MFSD11: variants seen among roughly 807,000 people sequenced by gnomAD.
The protein encoded by MFSD11 is major facilitator superfamily domain containing 11.
A neutral mutation model predicts 53.5 loss-of-function variants in MFSD11; 36 were observed. The observed-to-expected ratio is 0.67, with a 90% confidence interval of 0.52 to 0.89. The LOEUF is 0.89. Ranked by LOEUF, MFSD11 falls within the 40% of genes least tolerant of loss-of-function variation. The probability of loss-of-function intolerance (pLI) is 0.00; values close to 1 mark genes in which losing one functional copy is unlikely to be tolerated. For missense variants in MFSD11, 530 were observed against 543.9 expected (o/e 0.97, Z 0.25); for synonymous variants, 186 against 184.9 (o/e 1.01, Z -0.05).
rs1276071458 is a variant in MFSD11, at chr17:76,775,161, A to C, written c.1039A>C (p.Ile347Leu). ...PVKGTDSSAY[I>L]KSSKEVAILC... Reference sequence around the variant, plus strand: ...TAAAGGAACTGACAGCAGTGCTTACATCAAATCCAGGTATAGTGGCTGTCA... The same window carrying C: ...TAAAGGAACTGACAGCAGTGCTTACCTCAAATCCAGGTATAGTGGCTGTCA... Residue 347 changes from isoleucine (I) to leucine (L), a missense_variant, in exon 11 of 13, where the codon ATC becomes CTC. Coordinates refer to ENST00000685175, the MANE Select transcript of MFSD11 (RefSeq NM_001242532.5). The C allele has an allele frequency of 1.2e-6, 2 of 1,613,766 alleles. No homozygotes were observed. Among genetic ancestry groups the C allele is most frequent in the Non-Finnish European group, 1.7e-6 (2 of 1,179,830 alleles).
In MFSD11 at chr17:76,776,372, T is replaced by C. The variant is rs370874136; in HGVS notation, c.1050-34T>C. The C allele has an allele frequency of 1.3e-4, 205 of 1,608,444 alleles. No homozygotes were observed. Among genetic ancestry groups the C allele is most frequent in the Middle Eastern group, 3.4e-4 (2 of 5,918 alleles). On this transcript the variant is annotated intron_variant, in intron 11 of 12. Transcript: ENST00000685175. This position sits in a 1 kb window ranked among gnomAD's most constrained non-coding sequence, Gnocchi z 4.2. ...ATATTTTAAATGGCTCTAGCAGATA[T>C]TGCTCATACTAAATTGATTTTTATT...
At chr17:76,758,848 C>A (rs542890582) in intron 8 of MFSD11, among the ~76,000 whole-genome samples, 1 of 152,092 alleles carries the variant, frequency 6.6e-6, no homozygotes, top group Admixed American at 6.6e-5. Context: ...ACCCCTACCC[C>A]CCACACACAG....
intron 7 of MFSD11, among the ~76,000 whole-genome samples, chr17:76,747,133 A>G (rs1222511463): frequency 5.3e-5 from 8 of 152,160 alleles, no homozygotes; most frequent in Non-Finnish European, 8.8e-5. Context: ...TATAGCTGCC[A>G]TAGATAATGA....
upstream of MFSD11, chr17:76,737,775 C>T: frequency 6.2e-6 from 1 of 161,262 alleles, no homozygotes; most frequent in Non-Finnish European, 1.4e-5. Context: ...GACTCCGCTG[C>T]GTCGTCTCTC....
the MFSD11 span, among the ~76,000 whole-genome samples, chr17:76,800,501 T>C: frequency 6.6e-6 from 1 of 152,160 alleles, no homozygotes; most frequent in Non-Finnish European, 1.5e-5. Context: ...GGTGTGGCCA[T>C]TTGTCTGTGG....
Position 76,776,844 on chromosome 17 carries a change from GT to G in MFSD11, c.1185+306del. On this transcript the variant is annotated intron_variant, in intron 12 of 12. Transcript: ENST00000685175. This position sits in a 1 kb window ranked among gnomAD's most constrained non-coding sequence, Gnocchi z 4.2. ...TTTTTTTCTTTTTAGCAGAGGCAGG[GT>G]TTCACCACGTTGGTTAGGCTGGTCT... Among the ~76,000 whole-genome samples the G allele has an allele frequency of 6.6e-6, 1 of 151,976 alleles. No individual in the cohort carries two copies. Among genetic ancestry groups the G allele is most frequent in the Non-Finnish European group, 1.5e-5 (1 of 67,948 alleles).
the MFSD11 span, among the ~76,000 whole-genome samples, chr17:76,797,890 A>ATT: frequency 1.8e-3 from 270 of 148,872 alleles, 2 homozygotes; most frequent in African/African-American, 4.5e-3. Flanking sequence ...TCAGGAAAAC[A>ATT]TTTTTTTTTT....
At chr17:76,742,575 T>G (rs237052) in intron 5 of MFSD11, among the ~76,000 whole-genome samples, 6,931 of 152,120 alleles carry the variant, frequency 0.046, 238 homozygotes, top group South Asian at 0.15. Context: ...CGATCTCGGC[T>G]TACTGCAAGC....
intron 7 of MFSD11, among the ~76,000 whole-genome samples, chr17:76,747,067 G>C (rs1359977941): frequency 2.0e-5 from 3 of 151,882 alleles, no homozygotes; most frequent in Non-Finnish European, 4.4e-5. Flanking sequence ...GCACCACCAT[G>C]CCTGGCTAAT....
chr17:76,773,646 G>T (rs2081561576), intron 10 of MFSD11, among the ~76,000 whole-genome samples: 1 of 151,914 alleles, frequency 6.6e-6, no homozygotes, highest in African/African-American at 2.4e-5. Flanking sequence ...GTCTCGCTCA[G>T]TTGCCAGGCG....
At position 76,778,546 on chromosome 17, in the gene MFSD11, A is replaced by G; in HGVS notation, c.*194A>G. ...ATGAGTTATTTAAAGCAAGTAGAAT[A>G]AGGGAAAGCTGTTCTGTCAACTGTA... On this transcript the variant is annotated 3_prime_UTR_variant, in exon 13 of 13. Transcript: ENST00000685175. 1 of 522,018 alleles carries G rather than the reference A, an allele frequency of 1.9e-6. No homozygotes were observed. 32.3% of individuals were successfully genotyped at this position (522,018 alleles called of 1,614,324 possible). A position where few individuals can be genotyped will look rare whatever the true frequency, so the allele number is the denominator to read the frequency against.
chr17:76,788,554 C>T, the MFSD11 span, among the ~76,000 whole-genome samples: 9 of 149,004 alleles, frequency 6.0e-5, no homozygotes, highest in South Asian at 2.2e-4. Flanking sequence ...TTAGTAGAGA[C>T]GGGGTTTCAC....
chr17:76,737,290 G>A (rs1038925210), upstream of MFSD11: 3 of 1,277,580 alleles, frequency 2.3e-6, no homozygotes, highest in East Asian at 2.6e-5. Flanking sequence ...CCGCAGAACA[G>A]CACGGACGGG....
chr17:76,737,536 C>T (rs1268908997), upstream of MFSD11: 1 of 275,524 alleles, frequency 3.6e-6, no homozygotes, highest in Admixed American at 5.0e-5. Flanking sequence ...GGAGGGGGAG[C>T]GGAATTAGCG....
chr17:76,785,883 C>G (rs1303487288), downstream of MFSD11, among the ~76,000 whole-genome samples: 2 of 151,806 alleles, frequency 1.3e-5, no homozygotes, highest in African/African-American at 4.8e-5. Context: ...GAGTTTGAGA[C>G]CAGCCTGGCC....
At chr17:76,782,867 T>G (rs2035128486), downstream of MFSD11, among the ~76,000 whole-genome samples, 1 of 152,074 alleles carries the variant, frequency 6.6e-6, no homozygotes, top group Non-Finnish European at 1.5e-5. Context: ...TTAAATTCTT[T>G]GCATTACTTG....
At chr17:76,771,376 T>C (rs2144823461) in intron 10 of MFSD11, among the ~76,000 whole-genome samples, 1 of 152,384 alleles carries the variant, frequency 6.6e-6, no homozygotes, top group South Asian at 2.1e-4. Flanking sequence ...CGAGTTATTC[T>C]TTGTTCAACA....
At chr17:76,778,142 T>A in intron 12 of MFSD11, 46 bp from the exon 13 acceptor site, 1 of 1,609,010 alleles carries the variant, frequency 6.2e-7, no homozygotes. Context: ...TGTGGCTCAG[T>A]GTGGCCCCCG....
chr17:76,795,149 A>G, the MFSD11 span, among the ~76,000 whole-genome samples: 44 of 152,156 alleles, frequency 2.9e-4, no homozygotes, highest in Admixed American at 5.2e-4. Flanking sequence ...GTGTATAACA[A>G]CTATTTACAT....
Sources: allele counts gnomAD v4.1 joint callset (sites outside exome capture counted in the v4.1 genomes callset), GRCh38; gene constraint gnomAD v4.1.1; non-coding constraint Gnocchi (gnomAD v3.1); transcripts MANE v1.5; gene names NCBI Gene and HGNC (gene_info 2026-07-23, HGNC 2026-07-21).